The following CCDC144A variants were observed in gnomAD, a reference collection of about 807,000 sequenced individuals.
CCDC144A encodes the protein coiled-coil domain containing 144A.
CCDC144A carries 41 observed loss-of-function variants against 143.8 expected under a neutral mutation model. The ratio of observed to expected loss-of-function variants is 0.29; its 90% CI spans 0.22 to 0.37. The LOEUF is 0.37. Among genes scored for constraint, CCDC144A ranks in the 10% least tolerant of loss-of-function variants. CCDC144A has a pLI of 1.00. For synonymous variants in CCDC144A, 242 were observed against 517.9 expected (o/e 0.47, Z 7.23); for missense variants, 637 against 1,488.8 (o/e 0.43, Z 9.41).
intron 12 of CCDC144A, chr17:16,746,833 G>C: frequency 4.9e-6 from 5 of 1,025,182 alleles, no homozygotes; most frequent in Non-Finnish European, 7.4e-6. Context: ...CGCGTACCGC[G>C]CTGGGAGGCC....
intron 12 of CCDC144A, among the ~76,000 whole-genome samples, chr17:16,749,292 C>A (rs957883483): frequency 5.9e-5 from 9 of 152,028 alleles, no homozygotes; most frequent in Non-Finnish European, 1.3e-4. Flanking sequence ...TATGATGTTT[C>A]TTTTTGCTTA....
At chr17:16,714,349 C>G (rs1416228096) in intron 6 of CCDC144A, among the ~76,000 whole-genome samples, 1 of 152,178 alleles carries the variant, frequency 6.6e-6, no homozygotes, top group East Asian at 1.9e-4. Flanking sequence ...TGATTGGTCA[C>G]GAACTGTTGG....
rs1312612249 is a variant in CCDC144A at position 16,727,841 on chromosome 17, C to G, written c.2105+101C>G. The G allele has an allele frequency of 1.6e-5, 18 of 1,139,998 alleles. 1 individual carries two copies. The highest frequency in any genetic ancestry group is 2.0e-5 in the Non-Finnish European group (17 of 831,764). 70.6% of individuals were successfully genotyped at this position (1,139,998 alleles called of 1,614,324 possible). On this transcript the variant is annotated intron_variant, in intron 9 of 16. Transcript: ENST00000399273. The stretch of plus-strand genomic sequence containing the variant: ...TTCTGCAGAATAATGGGGGAGAAAC[C>G]TTTTTGGTCTTGTGGAATATGAAAT...
chr17:16,670,777 G>A, the CCDC144A span, among the ~76,000 whole-genome samples: 1 of 151,880 alleles, frequency 6.6e-6, no homozygotes, highest in Non-Finnish European at 1.5e-5. Flanking sequence ...CAAAAGGGCC[G>A]GGATTAAAAA....
chr17:16,707,371 G>A (rs569321024), intron 3 of CCDC144A, 98 bp from the exon 4 acceptor site: 1 of 651,078 alleles, frequency 1.5e-6, no homozygotes, highest in Admixed American at 3.5e-5. Context: ...CTCAATTTAT[G>A]AAATAAAATG....
chr17:16,720,803 C>T (rs1913050846), intron 8 of CCDC144A, 145 bp downstream of exon 8: 2 of 1,394,242 alleles, frequency 1.4e-6, no homozygotes, highest in East Asian at 5.1e-5. Context: ...TACTCTACGC[C>T]AAAGAGCTAT....
At chr17:16,729,006 T>C (rs2143220565) in intron 9 of CCDC144A, among the ~76,000 whole-genome samples, 1 of 152,328 alleles carries the variant, frequency 6.6e-6, no homozygotes, top group African/African-American at 2.4e-5. Flanking sequence ...GACCCTTAGG[T>C]TGATTCCGTA....
At chr17:16,763,486 C>T (rs4791688) in intron 14 of CCDC144A, among the ~76,000 whole-genome samples, 21,019 of 143,640 alleles carry the variant, frequency 0.15, 1,694 homozygotes, top group African/African-American at 0.33. Flanking sequence ...TTTATTTTTA[C>T]TTTTAGTTTT....
chr17:16,703,459 G>C (rs903326512), intron 2 of CCDC144A, among the ~76,000 whole-genome samples: 2 of 152,086 alleles, frequency 1.3e-5, no homozygotes, highest in Non-Finnish European at 2.9e-5. Flanking sequence ...ATTTAAGTCA[G>C]TTGTGTCTTT....
At chr17:16,732,462 A>G (rs1249778687) in intron 10 of CCDC144A, 76 bp from the exon 11 acceptor site, 5 of 853,636 alleles carry the variant, frequency 5.9e-6, no homozygotes, top group Non-Finnish European at 9.2e-6. Context: ...ACCGTTTTAT[A>G]AGAGAGGCTC....
At chr17:16,675,269 G>GAA in the CCDC144A span, among the ~76,000 whole-genome samples, 2,484 of 89,958 alleles carry the variant, frequency 0.028, 74 homozygotes, top group African/African-American at 0.093. Context: ...ACTCCATCTT[G>GAA]AAAAAAAAAA....
chr17:16,711,481 A>G (rs933324424), intron 5 of CCDC144A, among the ~76,000 whole-genome samples, 198 bp from the exon 6 acceptor site: 1 of 152,066 alleles, frequency 6.6e-6, no homozygotes, highest in Non-Finnish European at 1.5e-5. Context: ...AAAAATGTTG[A>G]TGATAAAATT....
At chr17:16,745,831 T>G in intron 12 of CCDC144A, 1 of 1,606,948 alleles carries the variant, frequency 6.2e-7, no homozygotes, top group Non-Finnish European at 8.5e-7. Flanking sequence ...AGTCTCTCCA[T>G]GGCCTCCCCC....
At chr17:16,688,698 C>G (rs1181297282), upstream of CCDC144A, among the ~76,000 whole-genome samples, 1 of 151,836 alleles carries the variant, frequency 6.6e-6, no homozygotes, top group Non-Finnish European at 1.5e-5. Context: ...CCATGTTAGC[C>G]AGGATGGTCT....
chr17:16,728,601 A>G (rs1294322135), intron 9 of CCDC144A, among the ~76,000 whole-genome samples: 1 of 152,210 alleles, frequency 6.6e-6, no homozygotes, highest in African/African-American at 2.4e-5. Context: ...TTTAAATTTC[A>G]TAGCTTTAGG....
rs2143215587 is a variant in CCDC144A at position 16,727,749 on chromosome 17, T to G, written c.2105+9T>G. 1 of 1,600,698 alleles carries G rather than the reference T, an allele frequency of 6.2e-7. No homozygotes were observed. The stretch of plus-strand genomic sequence containing the variant: ...GAGCTGTACGATTTGAGGTATGATG[T>G]TCTAGTTCTAAAGAAATGTTTATAC... On this transcript the variant is annotated intron_variant, in intron 9 of 16. Coordinates refer to ENST00000399273, the MANE Select transcript of CCDC144A (RefSeq NM_001382000.1).
chr17:16,695,908 A>T (rs1911370609), intron 2 of CCDC144A, among the ~76,000 whole-genome samples: 1 of 152,170 alleles, frequency 6.6e-6, no homozygotes, highest in African/African-American at 2.4e-5. Context: ...GTGCAAAAGT[A>T]AGATGCTTGA....
intron 12 of CCDC144A, among the ~76,000 whole-genome samples, chr17:16,743,892 G>C (rs1441094911): frequency 6.6e-6 from 1 of 152,166 alleles, no homozygotes; most frequent in Non-Finnish European, 1.5e-5. Context: ...ATGTCCATGT[G>C]TACCCAATGT....
rs1217807383 is a variant in CCDC144A at position 16,759,698 on chromosome 17, G to A, written c.3373-1727G>A. Among the ~76,000 whole-genome samples the A allele has an allele frequency of 2.0e-5, 3 of 152,248 alleles. No homozygotes were observed. The East Asian group carries it at 5.8e-4, about 29-fold the overall frequency. ...TTCTTGTTTTTGTGCTTATTCTTCTGTAGGTCCTTTCAGCTTCTGATTAGC... is the reference window on the plus strand; with the variant it reads ...TTCTTGTTTTTGTGCTTATTCTTCTATAGGTCCTTTCAGCTTCTGATTAGC... On this transcript the variant is annotated intron_variant, in intron 12 of 16. Transcript: ENST00000399273.
Sources: allele counts gnomAD v4.1 joint callset (sites outside exome capture counted in the v4.1 genomes callset), GRCh38; gene constraint gnomAD v4.1.1; transcripts MANE v1.5; gene names NCBI Gene and HGNC (gene_info 2026-07-23, HGNC 2026-07-21).